Variants in LCA5 observed in about 807,000 individuals in gnomAD.
LCA5 encodes the protein lebercilin.
In LCA5, 37 loss-of-function variants were observed where a neutral mutation model predicts 53.0. The observed-to-expected ratio is 0.70, with a 90% CI of 0.54 to 0.92. The LOEUF (loss-of-function observed/expected upper bound fraction) is 0.92. Among genes scored for constraint, LCA5 ranks in the 40% least tolerant of loss-of-function variants. The pLI is 0.00. For missense variants in LCA5, 806 were observed against 790.5 expected (o/e 1.02, Z -0.23); for synonymous variants, 303 against 282.9 (o/e 1.07, Z -0.71).
At chr6:79,538,576 C>A (rs919834284), upstream of LCA5, among the ~76,000 whole-genome samples, 4 of 152,212 alleles carry the variant, frequency 2.6e-5, no homozygotes, top group Non-Finnish European at 5.9e-5. Context: ...ATTCTTTAAT[C>A]TGTCTCTGCT....
intron 3 of LCA5, among the ~76,000 whole-genome samples, chr6:79,494,706 C>G (rs1412541143): frequency 2.0e-5 from 3 of 152,090 alleles, no homozygotes; most frequent in African/African-American, 7.2e-5. Context: ...ATAACACAAT[C>G]TTTTTCAATG....
chr6:79,530,813 A>G (rs1001425841), intron 1 of LCA5, among the ~76,000 whole-genome samples: 5 of 152,194 alleles, frequency 3.3e-5, no homozygotes, highest in Non-Finnish European at 2.9e-5. Flanking sequence ...TCAGAAAAAT[A>G]GCTCAAATAA....
Position 79,486,762 on chromosome 6 carries a change from T to G in LCA5, c.*242A>C, listed in dbSNP as rs369089118. 2 of 422,270 alleles carry G rather than the reference T, an allele frequency of 4.7e-6. No individual in the cohort carries two copies. The highest frequency in any genetic ancestry group is 8.5e-5 in the East Asian group (2 of 23,656). The allele number at this position is 422,270 out of a possible 1,614,324, so 26.2% of individuals were successfully genotyped here. On this transcript the variant is annotated 3_prime_UTR_variant, in exon 8 of 8. Coordinates refer to ENST00000369846, the MANE Select transcript of LCA5 (RefSeq NM_001122769.3). ...TAGCACTGGATGAAGAGTTAAAATC[T>G]ATTTCATTTTTCAAGACATATTTTT...
At chr6:79,524,749 C>T (rs575887768) in intron 1 of LCA5, among the ~76,000 whole-genome samples, 2 of 152,078 alleles carry the variant, frequency 1.3e-5, no homozygotes, top group South Asian at 2.1e-4. Flanking sequence ...TAGGGCTTTC[C>T]CTCTTGTTAT....
chr6:79,525,867 T>C (rs770048227), intron 1 of LCA5, among the ~76,000 whole-genome samples: 1 of 152,046 alleles, frequency 6.6e-6, no homozygotes. Flanking sequence ...CGGTGGACAG[T>C]GTGGGAAAGC....
chr6:79,500,283 C>A (rs1770101802), intron 3 of LCA5, among the ~76,000 whole-genome samples: 1 of 152,168 alleles, frequency 6.6e-6, no homozygotes. Context: ...ATTTAAAATA[C>A]TTAACATTTT....
chr6:79,495,189 C>A (rs2127670442), intron 3 of LCA5, among the ~76,000 whole-genome samples: 2 of 152,040 alleles, frequency 1.3e-5, no homozygotes, highest in Middle Eastern at 6.8e-3. Context: ...AAGTTGTGCT[C>A]TTCTTATGAG....
chr6:79,527,384 AG>A (rs1367572301), intron 1 of LCA5, among the ~76,000 whole-genome samples: 1 of 152,190 alleles, frequency 6.6e-6, no homozygotes, highest in African/African-American at 2.4e-5. Flanking sequence ...GGAAACTGGC[AG>A]GGAACTCCTC....
At chr6:79,497,743 C>T (rs2655676) in intron 3 of LCA5, among the ~76,000 whole-genome samples, 1 of 151,780 alleles carries the variant, frequency 6.6e-6, no homozygotes, top group African/African-American at 2.4e-5. Flanking sequence ...GGGAGGCCGA[C>T]GCGGGCAGAT....
intron 5 of LCA5, 103 bp from the exon 6 acceptor site, chr6:79,491,833 T>C (rs1769852805): frequency 3.2e-6 from 3 of 948,426 alleles, no homozygotes; most frequent in Non-Finnish European, 5.0e-6. Context: ...TGTTTGCATA[T>C]ACATGTACAT....
chr6:79,513,230 G>A lies in LCA5; in HGVS notation c.702C>T (p.Asp234=), dbSNP rs1208930395. 1.9e-6 allele frequency: 3 copies of A among 1,613,250 alleles called. No homozygotes were observed. The highest frequency in any genetic ancestry group is 2.5e-6 in the Non-Finnish European group (3 of 1,179,548). The change falls in exon 3 of 8, where the codon GAC becomes GAT. Residue 234 remains aspartate, a synonymous_variant. Transcript: ENST00000369846. The stretch of plus-strand genomic sequence containing the variant: ...ATTGTACCTTAATTCTTCTCTCGGT[G>A]TCATCTAACTTTAACTCTGCTGAAA... ...KLVSAELKLD[D]TERRIKELSK...
At chr6:79,492,335 T>C (rs1308978339) in intron 5 of LCA5, among the ~76,000 whole-genome samples, 1 of 151,920 alleles carries the variant, frequency 6.6e-6, no homozygotes, top group Admixed American at 6.6e-5. Context: ...CAAAAAGTTA[T>C]GTAAAACAAT....
chr6:79,526,022 T>C lies in LCA5; in HGVS notation c.-191-6937A>G, dbSNP rs182385104. Among the ~76,000 whole-genome samples, 177 of 152,286 alleles carry C rather than the reference T, an allele frequency of 1.2e-3. 1 individual carries two copies. The highest frequency in any genetic ancestry group is 3.9e-3 in the African/African-American group (163 of 41,560). On this transcript the variant is annotated intron_variant, in intron 1 of 7. Transcript: ENST00000369846. The stretch of plus-strand genomic sequence containing the variant: ...CCCTCACTAAACAAGTATGTGGAAG[T>C]CGTGTAACTTGTCAAAGAGTAAACA...
At chr6:79,505,434 A>C (rs946728915) in intron 3 of LCA5, among the ~76,000 whole-genome samples, 2 of 152,176 alleles carry the variant, frequency 1.3e-5, no homozygotes, top group Non-Finnish European at 2.9e-5. Context: ...TAATAGATAT[A>C]ATAAGGACTT....
At chr6:79,523,416 A>G (rs974968728) in intron 1 of LCA5, among the ~76,000 whole-genome samples, 1 of 152,216 alleles carries the variant, frequency 6.6e-6, no homozygotes, top group Non-Finnish European at 1.5e-5. Flanking sequence ...TTACCTCTCA[A>G]TGTAAGTCTA....
At chr6:79,503,202 T>C (rs1437941661) in intron 3 of LCA5, among the ~76,000 whole-genome samples, 1 of 152,192 alleles carries the variant, frequency 6.6e-6, no homozygotes, top group Non-Finnish European at 1.5e-5. Context: ...TGATTCTATG[T>C]GACCTAGAAG....
intron 3 of LCA5, among the ~76,000 whole-genome samples, chr6:79,504,307 A>C (rs895116185): frequency 6.6e-6 from 1 of 152,236 alleles, no homozygotes; most frequent in Non-Finnish European, 1.5e-5. Flanking sequence ...AACAAAAGCC[A>C]ACATATATAT....
intron 1 of LCA5, among the ~76,000 whole-genome samples, chr6:79,527,001 C>T (rs756429932): frequency 3.9e-5 from 6 of 152,178 alleles, no homozygotes; most frequent in South Asian, 2.1e-4. Flanking sequence ...ACTCAAACTC[C>T]GCCTCTTAAG....
In LCA5 at chr6:79,498,532, T is replaced by C. The variant is rs570232329; in HGVS notation, c.721-4782A>G. Among the ~76,000 whole-genome samples the C allele has an allele frequency of 1.2e-4, 18 of 152,190 alleles. 1 individual carries two copies. In the East Asian group the frequency reaches 3.5e-3, roughly 29 times the overall value. On this transcript the variant is annotated intron_variant, in intron 3 of 7. Coordinates refer to ENST00000369846, the MANE Select transcript of LCA5 (RefSeq NM_001122769.3). ...CAGCAAGACCCAGTAAAATTATCATTGAAGAGTGAAGATAAAATACATTCA... is the reference window on the plus strand; with the variant it reads ...CAGCAAGACCCAGTAAAATTATCATCGAAGAGTGAAGATAAAATACATTCA...
Sources: allele counts gnomAD v4.1 joint callset (sites outside exome capture counted in the v4.1 genomes callset), GRCh38; gene constraint gnomAD v4.1.1; transcripts MANE v1.5; gene names NCBI Gene and HGNC (gene_info 2026-07-23, HGNC 2026-07-21).